GABBR2: variants seen among roughly 807,000 people sequenced by gnomAD.
GABBR2 encodes gamma-aminobutyric acid type B receptor subunit 2.
A neutral mutation model predicts 105.6 loss-of-function variants in GABBR2; 23 were observed. The observed-to-expected ratio is 0.22, with a 90% CI of 0.16 to 0.31. GABBR2 has a LOEUF of 0.31. Ranked by LOEUF, GABBR2 falls within the 10% of genes least tolerant of loss-of-function variation. The pLI is 1.00. For synonymous variants in GABBR2, 478 were observed against 499.7 expected (o/e 0.96, Z 0.58); for missense variants, 734 against 1,245.5 (o/e 0.59, Z 6.18).
intron 7 of GABBR2, among the ~76,000 whole-genome samples, chr9:98,418,767 G>C (rs751523555): frequency 3.9e-5 from 6 of 152,190 alleles, no homozygotes; most frequent in Non-Finnish European, 7.3e-5. Context: ...GAACTGACCA[G>C]AGCAGTGGCT....
chr9:98,313,353 T>G (rs1439668098), intron 13 of GABBR2, among the ~76,000 whole-genome samples: 1 of 152,238 alleles, frequency 6.6e-6, no homozygotes, highest in Admixed American at 6.5e-5. Context: ...TCACTGTTCC[T>G]AAGTTGTCAC....
intron 13 of GABBR2, among the ~76,000 whole-genome samples, chr9:98,361,792 C>A (rs919640308): frequency 6.6e-6 from 1 of 152,180 alleles, no homozygotes; most frequent in Admixed American, 6.5e-5. Context: ...ATGGCATTCT[C>A]TGCTGCTGCT....
At chr9:98,548,367 T>C (rs1417881765) in intron 2 of GABBR2, among the ~76,000 whole-genome samples, 2 of 119,782 alleles carry the variant, frequency 1.7e-5, no homozygotes, top group African/African-American at 5.3e-5. Flanking sequence ...AGTGACATCA[T>C]CTTTTACCCT....
At chr9:98,318,155 G>A (rs752818604) in intron 13 of GABBR2, among the ~76,000 whole-genome samples, 1 of 152,224 alleles carries the variant, frequency 6.6e-6, no homozygotes, top group Non-Finnish European at 1.5e-5. Flanking sequence ...CTTCTCACTC[G>A]ATAATGTGAG....
chr9:98,425,506 T>C (rs939502672), intron 7 of GABBR2, among the ~76,000 whole-genome samples: 3 of 152,206 alleles, frequency 2.0e-5, no homozygotes, highest in Admixed American at 6.5e-5. Flanking sequence ...CCACGCACTG[T>C]GCTGGGCTCT....
At chr9:98,353,005 A>AG (rs1207728144) in intron 13 of GABBR2, among the ~76,000 whole-genome samples, 2 of 151,934 alleles carry the variant, frequency 1.3e-5, no homozygotes, top group Non-Finnish European at 2.9e-5. Flanking sequence ...CTTGGGTTTT[A>AG]GGGGGGTGAG....
chr9:98,512,917 T>C (rs1827678807), intron 3 of GABBR2, among the ~76,000 whole-genome samples: 1 of 152,228 alleles, frequency 6.6e-6, no homozygotes, highest in East Asian at 1.9e-4. Context: ...TTAAAGTTCA[T>C]ATGGAACCAA....
intron 4 of GABBR2, among the ~76,000 whole-genome samples, chr9:98,484,485 G>A (rs1053770432): frequency 2.8e-4 from 43 of 152,142 alleles, no homozygotes; most frequent in African/African-American, 1.0e-3. Flanking sequence ...TCTAGACGGT[G>A]AGAAAGAGGG....
At chr9:98,518,316 G>A (rs1452881338) in intron 3 of GABBR2, among the ~76,000 whole-genome samples, 1 of 151,618 alleles carries the variant, frequency 6.6e-6, no homozygotes, top group Non-Finnish European at 1.5e-5. Context: ...CGCTAATACT[G>A]TAGATATAAG....
At chr9:98,441,417 G>T (rs993616335) in intron 7 of GABBR2, among the ~76,000 whole-genome samples, 3 of 152,008 alleles carry the variant, frequency 2.0e-5, no homozygotes, top group African/African-American at 7.2e-5. Flanking sequence ...GCCCAGGCTG[G>T]AGTGCAGTGG....
intron 7 of GABBR2, among the ~76,000 whole-genome samples, chr9:98,413,263 C>T (rs56135724): frequency 0.077 from 11,711 of 152,146 alleles, 1,368 homozygotes; most frequent in African/African-American, 0.25. Flanking sequence ...AGAAACAATG[C>T]AGACTTTGAG....
At chr9:98,483,089 CGCA>C in intron 4 of GABBR2, among the ~76,000 whole-genome samples, 1 of 152,232 alleles carries the variant, frequency 6.6e-6, no homozygotes, top group East Asian at 1.9e-4. Flanking sequence ...GCACCTCCAG[CGCA>C]ACATGTCCCA....
At chr9:98,365,204 T>C (rs1432868650) in intron 12 of GABBR2, among the ~76,000 whole-genome samples, 1 of 152,234 alleles carries the variant, frequency 6.6e-6, no homozygotes, top group Non-Finnish European at 1.5e-5. Flanking sequence ...GTTTCCTTCT[T>C]TTTAAAGTGT....
At chr9:98,448,849 C>T (rs1826182078) in intron 7 of GABBR2, among the ~76,000 whole-genome samples, 1 of 151,772 alleles carries the variant, frequency 6.6e-6, no homozygotes, top group South Asian at 2.1e-4. Context: ...CTGACATACC[C>T]AAAGGATTTG....
At chr9:98,384,650 A>G (rs1832039889) in intron 11 of GABBR2, among the ~76,000 whole-genome samples, 1 of 152,238 alleles carries the variant, frequency 6.6e-6, no homozygotes, top group African/African-American at 2.4e-5. Context: ...TAAACTTTTT[A>G]ACATGTTAAT....
intron 9 of GABBR2, among the ~76,000 whole-genome samples, chr9:98,393,950 A>G (rs1191285089): frequency 6.6e-6 from 1 of 152,236 alleles, no homozygotes; most frequent in African/African-American, 2.4e-5. Context: ...CAATGGTTTA[A>G]ACACCTCAGT....
chr9:98,614,924 C>A (rs1306179837), intron 1 of GABBR2, among the ~76,000 whole-genome samples: 1 of 152,176 alleles, frequency 6.6e-6, no homozygotes, highest in Non-Finnish European at 1.5e-5. Context: ...CAGAAACAGA[C>A]TTTCAGGGTA....
intron 2 of GABBR2, among the ~76,000 whole-genome samples, chr9:98,543,011 TCA>T (rs1257595620): frequency 1.3e-5 from 2 of 152,226 alleles, no homozygotes; most frequent in Non-Finnish European, 2.9e-5. Flanking sequence ...TGCAAATATC[TCA>T]GTTTGCCTTT....
At chr9:98,336,822 A>T (rs981627406) in intron 13 of GABBR2, among the ~76,000 whole-genome samples, 5 of 151,978 alleles carry the variant, frequency 3.3e-5, no homozygotes, top group Admixed American at 6.6e-5. Context: ...ATTAAAAAAA[A>T]CATGATCTGA....
Sources: allele counts gnomAD v4.1 joint callset (sites outside exome capture counted in the v4.1 genomes callset), GRCh38; gene constraint gnomAD v4.1.1; transcripts MANE v1.5; gene names NCBI Gene and HGNC (gene_info 2026-07-23, HGNC 2026-07-21).